The following GLMN variants were observed in gnomAD, a reference collection of about 807,000 sequenced individuals.
GLMN encodes the protein glomulin.
GLMN carries 75 observed loss-of-function variants against 87.8 expected under a neutral mutation model. The observed-to-expected ratio is 0.85, with a 90% CI of 0.71 to 1.04. GLMN has a LOEUF of 1.04. Among genes scored for constraint, GLMN ranks in the 50% least tolerant of loss-of-function variants. The pLI is 0.00. For missense variants in GLMN, 588 were observed against 658.8 expected (o/e 0.89, Z 1.18); for synonymous variants, 206 against 221.6 (o/e 0.93, Z 0.63).
intron 7 of GLMN, among the ~76,000 whole-genome samples, chr1:92,276,973 C>G (rs1647370438): frequency 6.6e-6 from 1 of 152,168 alleles, no homozygotes. Flanking sequence ...CCCCCAGATT[C>G]TTGCTCTGTA....
intron 3 of GLMN, among the ~76,000 whole-genome samples, 160 bp downstream of exon 3, chr1:92,297,244 G>A (rs954819242): frequency 9.3e-5 from 14 of 150,510 alleles, no homozygotes; most frequent in African/African-American, 3.2e-4. Context: ...GAGCCACTGC[G>A]CCTGGCCTAA....
At chr1:92,252,399 GA>G (rs914126928) in intron 16 of GLMN, among the ~76,000 whole-genome samples, 5 of 150,114 alleles carry the variant, frequency 3.3e-5, no homozygotes, top group African/African-American at 1.2e-4. Context: ...AACTCAAAAG[GA>G]AAAAAAAATT....
At chr1:92,264,461 G>A in intron 14 of GLMN, 93 bp downstream of exon 14, 1 of 701,996 alleles carries the variant, frequency 1.4e-6, no homozygotes, top group Non-Finnish European at 2.6e-6. Context: ...TAATACTAGA[G>A]ATAGAGCAAT....
intron 16 of GLMN, among the ~76,000 whole-genome samples, chr1:92,252,297 G>T (rs1453038203): frequency 1.3e-5 from 2 of 152,186 alleles, no homozygotes; most frequent in Non-Finnish European, 2.9e-5. Flanking sequence ...TGTAATCCCA[G>T]ATGGGAGGAT....
chr1:92,307,039 G>A, the GLMN span: 6 of 591,462 alleles, frequency 1.0e-5, no homozygotes, highest in Admixed American at 2.0e-4. Context: ...GGCCTTCAAA[G>A]GTTCAGTATC....
At chr1:92,289,710 C>G (rs972012023) in intron 5 of GLMN, among the ~76,000 whole-genome samples, 2 of 152,306 alleles carry the variant, frequency 1.3e-5, no homozygotes, top group Non-Finnish European at 2.9e-5. Context: ...TTACTGCACT[C>G]AGCCATGGAG....
At chr1:92,365,956 T>C in the GLMN span, among the ~76,000 whole-genome samples, 5 of 152,136 alleles carry the variant, frequency 3.3e-5, no homozygotes, top group Non-Finnish European at 7.4e-5. Context: ...CACAGAAAGG[T>C]TGAAGACCAA....
At chr1:92,254,143 C>T (rs1653913717) in intron 16 of GLMN, among the ~76,000 whole-genome samples, 2 of 151,844 alleles carry the variant, frequency 1.3e-5, no homozygotes, top group South Asian at 2.1e-4. Flanking sequence ...ATAGCTGAAT[C>T]GATCAAGTGG....
the GLMN span, chr1:92,323,443 A>G: frequency 6.4e-7 from 1 of 1,566,820 alleles, no homozygotes; most frequent in Non-Finnish European, 8.7e-7. Flanking sequence ...TTCATTCTAC[A>G]GTGGCCATTC....
rs768440365 is a variant in GLMN at position 92,264,639 on chromosome 1, C to T, written c.1215-1G>A. 2.0e-6 allele frequency: 3 copies of T among 1,514,224 alleles called. No homozygotes were observed. The highest frequency in any genetic ancestry group is 1.7e-5 in the Admixed American group (1 of 59,898). The allele number at this position is 1,514,224 out of a possible 1,614,324, so 93.8% of individuals were successfully genotyped here. A position where few individuals can be genotyped will look rare whatever the true frequency, so the allele number is the denominator to read the frequency against. ...GTGATTACTTGTATTCAATAAGCAC[C>T]TTGAAAGCAAAATTACAATAGATGT... On this transcript the variant is annotated splice_acceptor_variant, in intron 13 of 18. Transcript: ENST00000370360. LOFTEE classifies it high-confidence loss of function.
chr1:92,248,485 G>A (rs1652987482), intron 16 of GLMN: 1 of 156,306 alleles, frequency 6.4e-6, no homozygotes, highest in Non-Finnish European at 1.4e-5. Flanking sequence ...TATCTGTTGA[G>A]GGCAGCTTAT....
chr1:92,306,590 G>A, the GLMN span, among the ~76,000 whole-genome samples: 1 of 152,054 alleles, frequency 6.6e-6, no homozygotes, highest in South Asian at 2.1e-4. Flanking sequence ...GGCTAGGTAC[G>A]GTGGCTCACA....
the GLMN span, among the ~76,000 whole-genome samples, chr1:92,356,953 C>G: frequency 6.6e-6 from 1 of 151,838 alleles, no homozygotes; most frequent in Admixed American, 6.6e-5. Flanking sequence ...GTAATCTCAG[C>G]TACTCAGGAT....
At chr1:92,309,178 T>C in the GLMN span, among the ~76,000 whole-genome samples, 1 of 152,092 alleles carries the variant, frequency 6.6e-6, no homozygotes, top group Non-Finnish European at 1.5e-5. Flanking sequence ...GCGTGGTGGC[T>C]TACACCTGTA....
At chr1:92,363,661 A>T in the GLMN span, 452 of 281,308 alleles carry the variant, frequency 1.6e-3, 1 homozygote, top group African/African-American at 9.7e-3. Context: ...CCTCTGCCAC[A>T]CTTAAGATAG....
chr1:92,275,577 C>A (rs1370668351), intron 7 of GLMN, among the ~76,000 whole-genome samples: 1 of 152,212 alleles, frequency 6.6e-6, no homozygotes, highest in Non-Finnish European at 1.5e-5. Flanking sequence ...ATTCATCCAA[C>A]CTCTTTTAAA....
At chr1:92,290,088 T>G (rs1365729228) in intron 5 of GLMN, 110 bp downstream of exon 5, 2 of 729,590 alleles carry the variant, frequency 2.7e-6, no homozygotes, top group East Asian at 5.1e-5. Context: ...AGCAGAGTAC[T>G]CACTAATTAG....
intron 16 of GLMN, among the ~76,000 whole-genome samples, chr1:92,256,488 C>T (rs1019249510): frequency 4.6e-5 from 7 of 152,142 alleles, no homozygotes; most frequent in Non-Finnish European, 8.8e-5. Flanking sequence ...TGATGAACAT[C>T]AATGCAAAAA....
At chr1:92,277,549 A>T (rs1647431327) in intron 7 of GLMN, among the ~76,000 whole-genome samples, 1 of 152,200 alleles carries the variant, frequency 6.6e-6, no homozygotes, top group African/African-American at 2.4e-5. Flanking sequence ...TCAGTCCCAC[A>T]GCCCTACCCC....
Sources: gnomAD v4.1 joint callset for allele counts (sites outside exome capture counted in the v4.1 genomes callset) on GRCh38, gnomAD v4.1.1 for gene constraint, MANE v1.5 for transcripts, NCBI Gene and HGNC (gene_info 2026-07-23, HGNC 2026-07-21) for gene names.